MARCHF11: variants seen among roughly 807,000 people sequenced by gnomAD.
MARCHF11 encodes the protein membrane associated ring-CH-type finger 11.
Under a neutral mutation model 37.3 loss-of-function variants are expected in MARCHF11, and 29 were observed. That is an observed-to-expected ratio of 0.78 (90% CI 0.58 to 1.06). The LOEUF (loss-of-function observed/expected upper bound fraction) is 1.06, where lower values mean the gene tolerates loss of function less well. Ranked by LOEUF, MARCHF11 falls within the 50% of genes least tolerant of loss-of-function variation. MARCHF11 has a pLI of 0.00. For missense variants in MARCHF11, 482 were observed against 533.4 expected, an observed-to-expected ratio of 0.90 and a Z score of 0.95; for synonymous variants, 233 against 228.0, an observed-to-expected ratio of 1.02 and a Z score of -0.20.
chr5:16,179,470 G>GCGGCGGCGT lies in MARCHF11; in HGVS notation c.97_105dup (p.Thr33_Pro35dup), dbSNP rs1249913437. 3.5e-6 allele frequency: 4 copies of GCGGCGGCGT among 1,131,930 alleles called. No homozygotes were observed. In the African/African-American group the frequency reaches 5.0e-5, roughly 14 times the overall value. 70.1% of individuals were successfully genotyped at this position (1,131,930 alleles called of 1,614,324 possible). A position where few individuals can be genotyped will look rare whatever the true frequency, so the allele number is the denominator to read the frequency against. ...GCGGGGACCGGGGCCGGCTCTCCCGGCGGCGGCGTCGGCGGCGGCGGCGGG... is the reference window on the plus strand; with the variant it reads ...GCGGGGACCGGGGCCGGCTCTCCCGGCGGCGGCGTCGGCGGCGTCGGCGGCGGCGGCGGG... On this transcript the variant is annotated inframe_insertion, in exon 1 of 4. Coordinates refer to ENST00000332432, the MANE Select transcript of MARCHF11 (RefSeq NM_001102562.3).
intron 2 of MARCHF11, among the ~76,000 whole-genome samples, chr5:16,101,341 A>T (rs1034749817): frequency 6.6e-6 from 1 of 152,078 alleles, no homozygotes; most frequent in Non-Finnish European, 1.5e-5. Context: ...GTGCCACTGC[A>T]CTCCAGCCTG....
chr5:16,107,691 C>T (rs557931016), intron 2 of MARCHF11, among the ~76,000 whole-genome samples: 32 of 151,766 alleles, frequency 2.1e-4, no homozygotes, highest in South Asian at 2.1e-4. Context: ...TGGCCGATCA[C>T]GCCCCCCTAT....
intron 2 of MARCHF11, among the ~76,000 whole-genome samples, chr5:16,132,461 C>T (rs1737533929): frequency 6.6e-6 from 1 of 152,158 alleles, no homozygotes; most frequent in Non-Finnish European, 1.5e-5. Flanking sequence ...TCTACAGTGC[C>T]TGACATGGCA....
At position 16,067,312 on chromosome 5, in the gene MARCHF11, T is replaced by A. The variant is rs1332719708; in HGVS notation, c.*159A>T. Reference sequence around the variant, plus strand: ...CAACGAAGAACAAGAGGACTCTTTTTCTCAGAAAAATGTATTTGCAATTCA... The same window carrying A: ...CAACGAAGAACAAGAGGACTCTTTTACTCAGAAAAATGTATTTGCAATTCA... On this transcript the variant is annotated 3_prime_UTR_variant, in exon 4 of 4. Transcript: ENST00000332432. 5 of 645,272 alleles carry A rather than the reference T, an allele frequency of 7.7e-6. No homozygotes were observed. The East Asian group carries it at 1.4e-4, about 18-fold the overall frequency. 40.0% of individuals were successfully genotyped at this position (645,272 alleles called of 1,614,324 possible).
At chr5:16,091,725 T>A (rs1380685637) in intron 2 of MARCHF11, among the ~76,000 whole-genome samples, 1 of 152,258 alleles carries the variant, frequency 6.6e-6, no homozygotes, top group Admixed American at 6.5e-5. Flanking sequence ...TGTACCTACA[T>A]GAAGTATCTT....
Position 16,179,337 on chromosome 5 carries a change from T to C in MARCHF11, c.239A>G (p.Asp80Gly). ...GGGCAGGGGCGGAGGCGGCAGCTCG[T>C]CCGCTCCCCTGCACCGCGGGGCCAC... ...GEVAPRCRGADELPPPPLPLQ... is the reference protein window; with the variant it reads ...GEVAPRCRGAGELPPPPLPLQ... The change falls in exon 1 of 4, where the codon GAC becomes GGC. Residue 80 changes from aspartate to glycine, a missense_variant. Asp to Gly is a moderately conservative substitution (Grantham distance 94). Transcript: ENST00000332432. 1 of 1,223,000 alleles carries C rather than the reference T, an allele frequency of 8.2e-7. No individual in the cohort carries two copies. 75.8% of individuals were successfully genotyped at this position (1,223,000 alleles called of 1,614,324 possible).
At chr5:16,166,208 C>A (rs1738166194) in intron 2 of MARCHF11, among the ~76,000 whole-genome samples, 3 of 152,152 alleles carry the variant, frequency 2.0e-5, no homozygotes, top group East Asian at 3.9e-4. Flanking sequence ...TCTTTACAAT[C>A]TGGCACTACA....
chr5:16,174,314 A>G (rs1158366698), intron 2 of MARCHF11, among the ~76,000 whole-genome samples: 2 of 152,232 alleles, frequency 1.3e-5, no homozygotes, highest in African/African-American at 2.4e-5. Context: ...CATTTTAATT[A>G]CCTCAAATGT....
chr5:16,121,686 T>A (rs973135507), intron 2 of MARCHF11, among the ~76,000 whole-genome samples: 1 of 152,180 alleles, frequency 6.6e-6, no homozygotes, highest in African/African-American at 2.4e-5. Context: ...GCAGTGTTGC[T>A]GTTCTCAACG....
rs1040650956 is a variant in MARCHF11 at position 16,079,977 on chromosome 5, G to T, written c.886+10912C>A. On this transcript the variant is annotated intron_variant, in intron 3 of 3. Coordinates refer to ENST00000332432, the MANE Select transcript of MARCHF11 (RefSeq NM_001102562.3). ...TCTCTGGATTTTCACTCTTTCTTCT[G>T]ATTTCTTCTGGGTCTTTCTTTTCAG... 2.0e-5 allele frequency among the ~76,000 whole-genome samples: 3 copies of T among 152,060 alleles called. No homozygotes were observed. In the East Asian group the frequency reaches 5.8e-4, roughly 29 times the overall value.
chr5:16,157,507 G>A (rs939048019), intron 2 of MARCHF11, among the ~76,000 whole-genome samples: 8 of 151,870 alleles, frequency 5.3e-5, no homozygotes, highest in African/African-American at 1.9e-4. Context: ...GTGGATGAAT[G>A]GGACACAACA....
At chr5:16,105,735 G>A (rs1248211033) in intron 2 of MARCHF11, among the ~76,000 whole-genome samples, 7 of 152,072 alleles carry the variant, frequency 4.6e-5, no homozygotes. Flanking sequence ...AGAAAGGAAT[G>A]TGCCCATCAG....
In MARCHF11 at chr5:16,144,802, C is replaced by T. The variant is rs890707028; in HGVS notation, c.693+32924G>A. Among the ~76,000 whole-genome samples the T allele has an allele frequency of 1.2e-4, 19 of 152,256 alleles. No individual in the cohort carries two copies. The South Asian group carries it at 2.7e-3, about 22-fold the overall frequency. ...CAGTTCATTATCTGAATTTTTAGGC[C>T]GTTAAGCAAACACTTAAATTAAGTA... On this transcript the variant is annotated intron_variant, in intron 2 of 3. Transcript: ENST00000332432.
intron 3 of MARCHF11, among the ~76,000 whole-genome samples, chr5:16,071,190 CACTAAGCTT>C (rs1736430688): frequency 6.6e-6 from 1 of 152,288 alleles, no homozygotes; most frequent in African/African-American, 2.4e-5. Context: ...TCATCTGAGT[CACTAAGCTT>C]ACATGAAGCG....
intron 2 of MARCHF11, among the ~76,000 whole-genome samples, chr5:16,164,988 G>C (rs1409524473): frequency 1.3e-5 from 2 of 152,024 alleles, no homozygotes; most frequent in Non-Finnish European, 2.9e-5. Context: ...GCTCTTGAAT[G>C]AAACTCCAAT....
chr5:16,129,666 T>G (rs1295438151), intron 2 of MARCHF11, among the ~76,000 whole-genome samples: 1 of 152,192 alleles, frequency 6.6e-6, no homozygotes, highest in Non-Finnish European at 1.5e-5. Flanking sequence ...TTTTAGCAAC[T>G]CTAAAAAGGC....
At chr5:16,166,634 G>A (rs181963205) in intron 2 of MARCHF11, among the ~76,000 whole-genome samples, 137 of 151,656 alleles carry the variant, frequency 9.0e-4, no homozygotes, top group Non-Finnish European at 1.7e-3. Flanking sequence ...ATTTCTATAC[G>A]ATTAAATGTA....
intron 2 of MARCHF11, among the ~76,000 whole-genome samples, chr5:16,134,256 T>C (rs966505553): frequency 6.6e-6 from 1 of 152,178 alleles, no homozygotes; most frequent in Non-Finnish European, 1.5e-5. Flanking sequence ...TCAAAAAGCA[T>C]GTGCTGGAAA....
chr5:16,074,944 T>C (rs1736493356), intron 3 of MARCHF11, among the ~76,000 whole-genome samples: 1 of 152,250 alleles, frequency 6.6e-6, no homozygotes, highest in African/African-American at 2.4e-5. Context: ...TCATGAAGTC[T>C]GCAGCCATCG....
Sources: allele counts gnomAD v4.1 joint callset (sites outside exome capture counted in the v4.1 genomes callset), GRCh38; gene constraint gnomAD v4.1.1; transcripts MANE v1.5; gene names NCBI Gene and HGNC (gene_info 2026-07-23, HGNC 2026-07-21).